IQCB1: variants seen among roughly 807,000 people sequenced by gnomAD.
IQCB1 encodes the protein IQ motif containing B1.
IQCB1 carries 56 observed loss-of-function variants against 84.4 expected under a neutral mutation model. The ratio of observed to expected loss-of-function variants is 0.66; its 90% CI spans 0.54 to 0.83. The LOEUF is 0.83. Among genes scored for constraint, IQCB1 ranks in the 40% least tolerant of loss-of-function variants. The probability of loss-of-function intolerance (pLI) is 0.00; values close to 1 mark genes in which losing one functional copy is unlikely to be tolerated. For missense variants in IQCB1, 629 were observed against 682.1 expected (o/e 0.92, Z 0.87); for synonymous variants, 210 against 234.8 (o/e 0.89, Z 0.96).
chr3:121,792,742 A>G (rs1004116681), intron 10 of IQCB1, among the ~76,000 whole-genome samples: 3 of 151,974 alleles, frequency 2.0e-5, no homozygotes, highest in Non-Finnish European at 4.4e-5. Context: ...TATTGGATTC[A>G]TATGTTTTAC....
At chr3:121,808,192 A>G (rs1949681398) in intron 6 of IQCB1, among the ~76,000 whole-genome samples, 1 of 151,960 alleles carries the variant, frequency 6.6e-6, no homozygotes, top group Non-Finnish European at 1.5e-5. Flanking sequence ...TGGAGTGGGC[A>G]TGAGGGTCAG....
In IQCB1 at chr3:121,834,975, G is replaced by C; in HGVS notation, c.-111C>G. 1 of 454,124 alleles carries C rather than the reference G, an allele frequency of 2.2e-6. No individual in the cohort carries two copies. The highest frequency in any genetic ancestry group is 4.0e-6 in the Non-Finnish European group (1 of 249,906). 28.1% of individuals were successfully genotyped at this position (454,124 alleles called of 1,614,324 possible). On this transcript the variant is annotated 5_prime_UTR_variant, in exon 1 of 15. Transcript: ENST00000310864. Reference sequence around the variant, plus strand: ...ACCTCAGATAAGTTACCTCATCCTCGCTTCGCGTTCTTCCACTAAAGAACC... The same window carrying C: ...ACCTCAGATAAGTTACCTCATCCTCCCTTCGCGTTCTTCCACTAAAGAACC...
intron 7 of IQCB1, among the ~76,000 whole-genome samples, chr3:121,805,192 A>G (rs575918499): frequency 6.6e-6 from 1 of 152,158 alleles, no homozygotes; most frequent in East Asian, 1.9e-4. Context: ...CATGCCCAGT[A>G]CTTCAGTACC....
intron 6 of IQCB1, among the ~76,000 whole-genome samples, chr3:121,807,936 G>A (rs542211028): frequency 3.3e-5 from 5 of 151,994 alleles, no homozygotes; most frequent in African/African-American, 1.2e-4. Flanking sequence ...TTTAAGCTCT[G>A]AGCAGCCAGT....
chr3:121,830,672 A>C (rs1194479168), intron 2 of IQCB1, among the ~76,000 whole-genome samples: 4 of 152,162 alleles, frequency 2.6e-5, no homozygotes, highest in African/African-American at 9.7e-5. Flanking sequence ...CCTTTGTTAC[A>C]GTCTTGTTAT....
At chr3:121,775,038 T>C in intron 13 of IQCB1, among the ~76,000 whole-genome samples, 1 of 152,168 alleles carries the variant, frequency 6.6e-6, no homozygotes, top group East Asian at 1.9e-4. Context: ...TGATTAAATT[T>C]GTAAATGATT....
intron 7 of IQCB1, among the ~76,000 whole-genome samples, chr3:121,802,060 T>A (rs1949428200): frequency 1.3e-5 from 2 of 152,040 alleles, no homozygotes; most frequent in African/African-American, 4.8e-5. Context: ...AACATTTCTA[T>A]CTATGTTTAT....
chr3:121,782,618 T>C (rs1194605055), intron 12 of IQCB1, among the ~76,000 whole-genome samples: 1 of 152,248 alleles, frequency 6.6e-6, no homozygotes. Context: ...GCACGTAAAA[T>C]TATAAAAGAA....
chr3:121,777,012 C>A (rs1948258108), intron 13 of IQCB1, among the ~76,000 whole-genome samples: 2 of 152,154 alleles, frequency 1.3e-5, no homozygotes, highest in South Asian at 4.1e-4. Flanking sequence ...GCCAATATAT[C>A]AAATTTTCCT....
intron 7 of IQCB1, among the ~76,000 whole-genome samples, chr3:121,806,811 G>GAC (rs71133574): frequency 0.64 from 97,561 of 151,674 alleles, 31,851 homozygotes; most frequent in African/African-American, 0.71. Context: ...TGCAATGACA[G>GAC]ACAGCAGCTG....
intron 5 of IQCB1, among the ~76,000 whole-genome samples, chr3:121,825,574 A>C (rs1309894077): frequency 6.6e-6 from 1 of 152,230 alleles, no homozygotes; most frequent in Non-Finnish European, 1.5e-5. Context: ...GGGTCAAAAA[A>C]AGAGCACATG....
rs1335354443 is a variant in IQCB1, at chr3:121,773,317, A to AAG, written c.1411-605_1411-604insCT. 1.1e-3 allele frequency among the ~76,000 whole-genome samples: 162 copies of AAG among 147,958 alleles called. 1 individual carries two copies. In the East Asian group the frequency reaches 0.016, roughly 14 times the overall value. Reference sequence around the variant, plus strand: ...CAACAGAGCAAGACTCTGCCTTAAAAAAAAAAAAAAAAAAAAAAAGACACT... The same window carrying AAG: ...CAACAGAGCAAGACTCTGCCTTAAAAAGAAAAAAAAAAAAAAAAAAAGACACT... On this transcript the variant is annotated intron_variant, in intron 13 of 14. Transcript: ENST00000310864.
intron 5 of IQCB1, among the ~76,000 whole-genome samples, chr3:121,820,084 A>G (rs939221843): frequency 6.6e-6 from 1 of 152,138 alleles, no homozygotes; most frequent in African/African-American, 2.4e-5. Context: ...TTGATCATCA[A>G]TTTTTAAATT....
At chr3:121,777,864 T>G (rs1948292602) in intron 13 of IQCB1, among the ~76,000 whole-genome samples, 1 of 152,138 alleles carries the variant, frequency 6.6e-6, no homozygotes. Context: ...CATTTTTCAT[T>G]GTTTGTTGAC....
At chr3:121,792,445 G>A (rs1449503644) in intron 10 of IQCB1, among the ~76,000 whole-genome samples, 1 of 151,614 alleles carries the variant, frequency 6.6e-6, no homozygotes, top group Non-Finnish European at 1.5e-5. Context: ...GGATCACGAG[G>A]TCAGGAGATC....
At chr3:121,791,263 T>C (rs1306360200) in intron 10 of IQCB1, among the ~76,000 whole-genome samples, 1 of 152,228 alleles carries the variant, frequency 6.6e-6, no homozygotes, top group African/African-American at 2.4e-5. Flanking sequence ...ACCTTGGCTA[T>C]AGCTTTGTAC....
chr3:121,810,132 A>G (rs1427458288), intron 5 of IQCB1, among the ~76,000 whole-genome samples: 1 of 152,146 alleles, frequency 6.6e-6, no homozygotes, highest in African/African-American at 2.4e-5. Flanking sequence ...TAAAATGCAC[A>G]TTAGATAATG....
intron 7 of IQCB1, among the ~76,000 whole-genome samples, chr3:121,801,028 C>A (rs1177974084): frequency 6.6e-6 from 1 of 151,836 alleles, no homozygotes; most frequent in East Asian, 1.9e-4. Flanking sequence ...TTCTGGTCTC[C>A]CCTCTACCTT....
chr3:121,796,535 C>T (rs184639054), intron 9 of IQCB1, among the ~76,000 whole-genome samples: 25 of 152,050 alleles, frequency 1.6e-4, no homozygotes, highest in Non-Finnish European at 2.5e-4. Flanking sequence ...AACTTGCTGC[C>T]TCAAATTTCT....
Sources: allele counts gnomAD v4.1 joint callset (sites outside exome capture counted in the v4.1 genomes callset), GRCh38; gene constraint gnomAD v4.1.1; transcripts MANE v1.5; gene names NCBI Gene and HGNC (gene_info 2026-07-23, HGNC 2026-07-21).